The following IGF1R variants were observed in gnomAD, a reference collection of about 807,000 sequenced individuals.
IGF1R encodes insulin-like growth factor 1 receptor.
Under a neutral mutation model 144.6 loss-of-function variants are expected in IGF1R, and 44 were observed. That is an observed-to-expected ratio of 0.30 (90% CI 0.24 to 0.39). The LOEUF is 0.39. Ranked by LOEUF, IGF1R falls within the 10% of genes least tolerant of loss-of-function variation. IGF1R has a pLI of 1.00. For missense variants in IGF1R, 1,355 were observed against 1,833.7 expected (o/e 0.74, Z 4.77); for synonymous variants, 795 against 722.8 (o/e 1.10, Z -1.60).
At chr15:98,826,664 A>G (rs1277618277) in intron 2 of IGF1R, among the ~76,000 whole-genome samples, 1 of 152,244 alleles carries the variant, frequency 6.6e-6, no homozygotes, top group Non-Finnish European at 1.5e-5. Flanking sequence ...TAAGGTTCCA[A>G]GAGTACATTT....
At chr15:98,929,721 G>C in intron 14 of IGF1R, 61 bp downstream of exon 14, 2 of 1,073,366 alleles carry the variant, frequency 1.9e-6, no homozygotes, top group East Asian at 4.7e-5. Flanking sequence ...ATTTGAATGT[G>C]AGTGAAGGTG....
chr15:98,781,772 G>A (rs1487208249), intron 2 of IGF1R, among the ~76,000 whole-genome samples: 3 of 152,080 alleles, frequency 2.0e-5, no homozygotes, highest in Admixed American at 6.5e-5. Context: ...TTACTGTGCC[G>A]GGGTACTGGG....
chr15:98,920,238 T>A (rs1596451041), intron 10 of IGF1R, among the ~76,000 whole-genome samples: 1 of 152,180 alleles, frequency 6.6e-6, no homozygotes, highest in African/African-American at 2.4e-5. Flanking sequence ...CCAAAAAAAA[T>A]GATGTATGGG....
At chr15:98,668,737 C>G (rs2052807917) in intron 1 of IGF1R, among the ~76,000 whole-genome samples, 1 of 152,180 alleles carries the variant, frequency 6.6e-6, no homozygotes, top group Non-Finnish European at 1.5e-5. Context: ...CTCCTCTCTC[C>G]CCTCCTCAGT....
intron 3 of IGF1R, among the ~76,000 whole-genome samples, chr15:98,896,150 T>A (rs1248375621): frequency 6.6e-6 from 1 of 152,202 alleles, no homozygotes; most frequent in Non-Finnish European, 1.5e-5. Flanking sequence ...TTGGATCAAT[T>A]TACAAGTTTC....
At chr15:98,909,593 G>A (rs1404475257) in intron 6 of IGF1R, among the ~76,000 whole-genome samples, 1 of 152,148 alleles carries the variant, frequency 6.6e-6, no homozygotes, top group African/African-American at 2.4e-5. Flanking sequence ...GTGTGCTTCA[G>A]CCCTATGAGC....
intron 2 of IGF1R, among the ~76,000 whole-genome samples, chr15:98,781,014 C>T (rs891364180): frequency 6.6e-6 from 1 of 152,270 alleles, no homozygotes; most frequent in Middle Eastern, 3.4e-3. Context: ...GTCCACTTCT[C>T]AGGAGGCTGA....
chr15:98,767,835 G>A (rs1341893215), intron 2 of IGF1R, among the ~76,000 whole-genome samples: 1 of 152,114 alleles, frequency 6.6e-6, no homozygotes, highest in Non-Finnish European at 1.5e-5. Context: ...GAAGAGGTGG[G>A]GAACACTGTG....
In IGF1R at chr15:98,891,368, T is replaced by A. The variant is rs554921245; in HGVS notation, c.684T>A (p.Asn228Lys). 2 of 1,609,912 alleles carry A rather than the reference T, an allele frequency of 1.2e-6. No homozygotes were observed. The highest frequency in any genetic ancestry group is 4.5e-5 in the East Asian group (2 of 44,826). The change falls in exon 3 of 21, where the codon AAT (asparagine) becomes AAA (lysine). Residue 228 changes from asparagine (N) to lysine (K), a missense_variant. Physicochemically the swap from Asn to Lys is moderately conservative, Grantham distance 94 (BLOSUM62 0). Transcript: ENST00000650285. This position sits in a 1 kb window ranked among gnomAD's most constrained non-coding sequence, Gnocchi z 4.7. ...TCGKRACTENNECCHPECLGS... is the reference protein window; with the variant it reads ...TCGKRACTENKECCHPECLGS... ...GGAAGCGGGCGTGCACCGAGAACAATGAGTGCTGCCACCCCGAGTGCCTGG... is the reference window on the plus strand; with the variant it reads ...GGAAGCGGGCGTGCACCGAGAACAAAGAGTGCTGCCACCCCGAGTGCCTGG...
chr15:98,818,548 A>G (rs7181123), intron 2 of IGF1R, among the ~76,000 whole-genome samples: 120,979 of 149,328 alleles, frequency 0.81, 49,579 homozygotes, highest in Non-Finnish European at 0.88. Context: ...CAGTATTGAC[A>G]TTTTGGGTGA....
chr15:98,912,201 G>A (rs543779685), intron 7 of IGF1R, among the ~76,000 whole-genome samples: 1 of 152,296 alleles, frequency 6.6e-6, no homozygotes, highest in African/African-American at 2.4e-5. Context: ...TCCCAGATGT[G>A]TGGCTTCCAA....
chr15:98,826,958 A>C (rs1421423418), intron 2 of IGF1R, among the ~76,000 whole-genome samples: 1 of 152,244 alleles, frequency 6.6e-6, no homozygotes, highest in African/African-American at 2.4e-5. Context: ...ACGGCTGCCT[A>C]GGATTAGACT....
intron 2 of IGF1R, among the ~76,000 whole-genome samples, chr15:98,838,011 C>A (rs1439990958): frequency 6.6e-6 from 1 of 152,180 alleles, no homozygotes; most frequent in Non-Finnish European, 1.5e-5. Flanking sequence ...TTTACAAAAT[C>A]ATTTTCACGG....
chr15:98,858,444 T>C (rs1373489907), intron 2 of IGF1R, among the ~76,000 whole-genome samples: 1 of 152,256 alleles, frequency 6.6e-6, no homozygotes, highest in East Asian at 1.9e-4. Flanking sequence ...ATAAAAACAT[T>C]TTCCTGAAAA....
intron 1 of IGF1R, among the ~76,000 whole-genome samples, chr15:98,650,130 C>T (rs2052316352): frequency 6.6e-6 from 1 of 152,178 alleles, no homozygotes; most frequent in Admixed American, 6.5e-5. Flanking sequence ...GTCTCCGCTG[C>T]TGGGGCTGAC....
chr15:98,963,351 G>A lies in IGF1R; in HGVS notation c.*5909G>A, dbSNP rs187072868. On this transcript the variant is annotated 3_prime_UTR_variant, in exon 21 of 21. Coordinates refer to ENST00000650285, the MANE Select transcript of IGF1R (RefSeq NM_000875.5). ...TTGCCCTAGTTTATAACAAAGGAAT[G>A]ATGATGATTTAAAAAGTAGTTCTGT... 275 of 233,382 alleles carry A rather than the reference G, an allele frequency of 1.2e-3. No individual in the cohort carries two copies. Among genetic ancestry groups the A allele is most frequent in the Middle Eastern group, 2.5e-3 (2 of 786 alleles). 14.5% of individuals were successfully genotyped at this position (233,382 alleles called of 1,614,324 possible).
At chr15:98,766,882 A>G (rs935712294) in intron 2 of IGF1R, among the ~76,000 whole-genome samples, 9 of 152,212 alleles carry the variant, frequency 5.9e-5, no homozygotes, top group Non-Finnish European at 1.3e-4. Flanking sequence ...AGGTTATTTA[A>G]GCAAGTCACA....
In IGF1R at chr15:98,942,938, G is replaced by A. The variant is rs2016419800; in HGVS notation, c.3473G>A (p.Arg1158Gln). The change falls in exon 19 of 21, where the codon CGA becomes CAA. Residue 1158 changes from arginine (R) to glutamine (Q), a missense_variant. Arg to Gln is a conservative substitution (Grantham distance 43). Around this residue, in one of 7 missense-constraint regions of IGF1R, gnomAD observed 77 missense variants for 163.2 expected, o/e 0.47. Coordinates refer to ENST00000650285, the MANE Select transcript of IGF1R (RefSeq NM_000875.5). Reference sequence around the variant, plus strand: ...TCCCTTACAGATTTTGGTATGACGCGAGATATCTATGAGACAGACTATTAC... The same window carrying A: ...TCCCTTACAGATTTTGGTATGACGCAAGATATCTATGAGACAGACTATTAC... ...TVKIGDFGMT[R>Q]DIYETDYYRK... 1 of 1,614,164 alleles carries A rather than the reference G, an allele frequency of 6.2e-7. No homozygotes were observed. The highest frequency in any genetic ancestry group is 8.5e-7 in the Non-Finnish European group (1 of 1,180,026).
chr15:98,750,577 T>C (rs1403695939), intron 2 of IGF1R, among the ~76,000 whole-genome samples: 1 of 152,104 alleles, frequency 6.6e-6, no homozygotes, highest in Non-Finnish European at 1.5e-5. Context: ...TAATCCCAGC[T>C]CCTCAGGAGG....
Sources: gnomAD v4.1 joint callset for allele counts (sites outside exome capture counted in the v4.1 genomes callset) on GRCh38, gnomAD v4.1.1 for gene constraint, gnomAD v4.1.1 regional missense constraint, Gnocchi (gnomAD v3.1) non-coding constraint, MANE v1.5 for transcripts, NCBI Gene and HGNC (gene_info 2026-07-23, HGNC 2026-07-21) for gene names.